The following ASB2 variants were observed in gnomAD, a reference collection of about 807,000 sequenced individuals.
The protein encoded by ASB2 is ankyrin repeat and SOCS box containing 2, also known as ankyrin repeat and SOCS box protein 2.
In ASB2, 58 loss-of-function variants were observed where a neutral mutation model predicts 62.4. That is an observed-to-expected ratio of 0.93 (90% confidence interval 0.75 to 1.16). The LOEUF is 1.16. ASB2 is among the 50% of genes most tolerant of loss of function. The probability of loss-of-function intolerance (pLI) is 0.00; values close to 1 mark genes in which losing one functional copy is unlikely to be tolerated. For missense variants in ASB2, 928 were observed against 887.9 expected (o/e 1.05, Z -0.57); for synonymous variants, 386 against 385.3 (o/e 1.00, Z -0.02).
intron 3 of ASB2, chr14:93,955,315 C>T (rs1171843938): frequency 3.5e-5 from 13 of 367,978 alleles, no homozygotes; most frequent in Middle Eastern, 8.0e-4. Flanking sequence ...CAGCCACTTC[C>T]TCCAGCGTGA....
intron 5 of ASB2, among the ~76,000 whole-genome samples, chr14:93,952,937 C>G (rs572361820): frequency 2.1e-4 from 32 of 152,352 alleles, no homozygotes; most frequent in African/African-American, 7.5e-4. Flanking sequence ...TCTCGCATAC[C>G]TTCATGCCTT....
intron 2 of ASB2, among the ~76,000 whole-genome samples, chr14:93,962,304 C>CG (rs1221669426): frequency 1.3e-5 from 2 of 151,680 alleles, no homozygotes; most frequent in African/African-American, 4.8e-5. Context: ...TTAGTAGAGA[C>CG]GGGGTTTCAC....
At chr14:93,944,175 G>A (rs532626905) in intron 7 of ASB2, 1 of 358,444 alleles carries the variant, frequency 2.8e-6, no homozygotes, top group Non-Finnish European at 5.5e-6. Flanking sequence ...AGGGTTTCTG[G>A]TGCAGCCAAG....
chr14:93,956,775 G>T lies in ASB2; in HGVS notation c.302C>A (p.Ser101Tyr), dbSNP rs201432422. Residue 101 changes from serine (S) to tyrosine (Y), a missense_variant, in exon 3 of 10, where the codon TCC becomes TAC. Physicochemically the swap from Ser to Tyr is moderately radical, Grantham distance 144. Coordinates refer to ENST00000555019, the MANE Select transcript of ASB2 (RefSeq NM_001202429.2). Reference sequence around the variant, plus strand: ...GACAGGAGTCACTTACGCCAGCTGGGAGGTCTTGAACAAGCTGCTGCTGTA... The same window carrying T: ...GACAGGAGTCACTTACGCCAGCTGGTAGGTCTTGAACAAGCTGCTGCTGTA... ...QKYSSSLFKTSQLAPADPLIK... is the reference protein window; with the variant it reads ...QKYSSSLFKTYQLAPADPLIK... 9 of 1,614,202 alleles carry T rather than the reference G, an allele frequency of 5.6e-6. No homozygotes were observed. The highest frequency in any genetic ancestry group is 5.0e-5 in the Admixed American group (3 of 60,036).
chr14:93,971,569 T>C (rs758725109), intron 1 of ASB2, among the ~76,000 whole-genome samples: 2 of 152,228 alleles, frequency 1.3e-5, no homozygotes, highest in Non-Finnish European at 2.9e-5. Flanking sequence ...TTAGCTCTTA[T>C]GCAAAGCCTG....
chr14:93,939,293 A>G lies in ASB2; in HGVS notation c.1432T>C (p.Phe478Leu). 1 of 1,609,144 alleles carries G rather than the reference A, an allele frequency of 6.2e-7. No individual in the cohort carries two copies. Reference protein sequence around the residue: ...DAYIATHPTAFPATIMFAMKC... With the variant: ...DAYIATHPTALPATIMFAMKC... The stretch of plus-strand genomic sequence containing the variant: ...ATGGCGAACATGATGGTGGCGGGGA[A>G]GGCGGTGGGGTGCGTGGCGATATAG... Residue 478 changes from phenylalanine to leucine, a missense_variant, in exon 8 of 10, where the codon TTC (phenylalanine) becomes CTC (leucine). Transcript: ENST00000555019.
Position 93,934,713 on chromosome 14 carries a change from G to A in ASB2, c.1851C>T (p.Asp617=), listed in dbSNP as rs994683226. 6.2e-7 allele frequency: 1 copy of A among 1,614,086 alleles called. No individual in the cohort carries two copies. The highest frequency in any genetic ancestry group is 8.5e-7 in the Non-Finnish European group (1 of 1,179,934). The change falls in exon 10 of 10, where the codon GAC becomes GAT. Residue 617 remains aspartate, a synonymous_variant. Transcript: ENST00000555019. ...AIGKYRIKLL[D]TLPLPGRLIR... ...TCAGCCTGCCTGGGAGCGGCAAGGT[G>A]TCTAGGAGTTTTATACGGTATTTCC...
At position 93,947,633 on chromosome 14, in the gene ASB2, C is replaced by G; in HGVS notation, c.881-113G>C. ...TGCTAACCACGGTAATGCACGGGAC[C>G]TTTAACAACGACCCTTAGGAAGGAG... On this transcript the variant is annotated intron_variant, in intron 6 of 9. Transcript: ENST00000555019. 4 of 1,041,100 alleles carry G rather than the reference C, an allele frequency of 3.8e-6. No individual in the cohort carries two copies. The Admixed American group carries it at 6.2e-5, about 16-fold the overall frequency. 64.5% of individuals were successfully genotyped at this position (1,041,100 alleles called of 1,614,324 possible).
intron 1 of ASB2, among the ~76,000 whole-genome samples, chr14:93,966,671 T>C (rs188734525): frequency 6.6e-5 from 10 of 152,362 alleles, no homozygotes; most frequent in African/African-American, 2.4e-4. Flanking sequence ...AAGATTCTTG[T>C]GGTTTAGCCA....
intron 1 of ASB2, among the ~76,000 whole-genome samples, chr14:93,969,301 A>G (rs1889687465): frequency 6.6e-6 from 1 of 152,206 alleles, no homozygotes; most frequent in Non-Finnish European, 1.5e-5. Context: ...GGTGCTGCTC[A>G]GCCCTGGCAC....
chr14:93,956,903 A>G (rs886193203), intron 2 of ASB2, 33 bp from the exon 3 acceptor site: 1 of 1,613,942 alleles, frequency 6.2e-7, no homozygotes, highest in Non-Finnish European at 8.5e-7. Flanking sequence ...GAAAGAGGGA[A>G]AAGTACTCTG....
chr14:93,936,544 G>A (rs1278169010), intron 9 of ASB2, among the ~76,000 whole-genome samples: 1 of 152,220 alleles, frequency 6.6e-6, no homozygotes, highest in African/African-American at 2.4e-5. Flanking sequence ...CTGAGTGAAT[G>A]GGCAAGCTGA....
At chr14:93,954,593 G>T (rs1250216943) in intron 3 of ASB2, 110 bp from the exon 4 acceptor site, 1 of 968,116 alleles carries the variant, frequency 1.0e-6, no homozygotes, top group African/African-American at 1.6e-5. Context: ...GTCCCTGCTG[G>T]TTCCAGGATG....
At chr14:93,960,974 A>AATAAATAT (rs1889387661) in intron 2 of ASB2, among the ~76,000 whole-genome samples, 1 of 151,670 alleles carries the variant, frequency 6.6e-6, no homozygotes, top group Non-Finnish European at 1.5e-5. Context: ...TAAATAAATA[A>AATAAATAT]ATAAATAAAT....
chr14:93,958,362 G>A (rs1236892991), intron 2 of ASB2, among the ~76,000 whole-genome samples: 1 of 152,182 alleles, frequency 6.6e-6, no homozygotes, highest in Non-Finnish European at 1.5e-5. Flanking sequence ...GCATGACAGC[G>A]AGTGGAGCAG....
chr14:93,957,054 G>A lies in ASB2; in HGVS notation c.207-184C>T, dbSNP rs543804213. 2.6e-4 allele frequency: 386 copies of A among 1,474,396 alleles called. 3 individuals are homozygous for A. The South Asian group carries it at 3.1e-3, about 12-fold the overall frequency. The allele number at this position is 1,474,396 out of a possible 1,614,324, so 91.3% of individuals were successfully genotyped here. A position where few individuals can be genotyped will look rare whatever the true frequency, so the allele number is the denominator to read the frequency against. On this transcript the variant is annotated intron_variant, in intron 2 of 9. Transcript: ENST00000555019. ...TGCTGGACACAGCTGCTGTGTCTCC[G>A]GATTATTTTTGGCCCTTGGAGGAAG...
intron 9 of ASB2, among the ~76,000 whole-genome samples, chr14:93,937,084 C>T (rs1888297627): frequency 6.6e-6 from 1 of 152,176 alleles, no homozygotes; most frequent in Non-Finnish European, 1.5e-5. Context: ...ACGAGCCTGC[C>T]CAGGCCCCTC....
chr14:93,958,972 T>C (rs911091288), intron 2 of ASB2, among the ~76,000 whole-genome samples: 6 of 152,214 alleles, frequency 3.9e-5, no homozygotes, highest in African/African-American at 1.4e-4. Flanking sequence ...GTGGCCGGGA[T>C]GTTGAGGTTG....
At chr14:93,953,642 T>A in intron 4 of ASB2, 135 bp from the exon 5 acceptor site, 1 of 753,514 alleles carries the variant, frequency 1.3e-6, no homozygotes, top group Non-Finnish European at 2.0e-6. Flanking sequence ...CAGACTGCAT[T>A]CATCTGGCCC....
Sources: gnomAD v4.1 joint callset for allele counts (sites outside exome capture counted in the v4.1 genomes callset) on GRCh38, gnomAD v4.1.1 for gene constraint, MANE v1.5 for transcripts, NCBI Gene and HGNC (gene_info 2026-07-23, HGNC 2026-07-21) for gene names.